ATP6V1C1: variants seen among roughly 807,000 people sequenced by gnomAD.
The protein encoded by ATP6V1C1 is V-type proton ATPase subunit C 1.
ATP6V1C1 carries 45 observed loss-of-function variants against 53.9 expected under a neutral mutation model. The ratio of observed to expected loss-of-function variants is 0.83; its 90% CI spans 0.66 to 1.07. The LOEUF is 1.07. ATP6V1C1 is among the 50% of genes least tolerant of loss of function. The probability of loss-of-function intolerance (pLI) is 0.00; values close to 1 mark genes in which losing one functional copy is unlikely to be tolerated. For missense variants in ATP6V1C1, 315 were observed against 440.3 expected (o/e 0.72, Z 2.55); for synonymous variants, 153 against 155.2 (o/e 0.99, Z 0.11).
At chr8:103,055,804 C>T (rs964459101) in intron 7 of ATP6V1C1, 64 bp from the exon 8 acceptor site, 115 of 1,469,366 alleles carry the variant, frequency 7.8e-5, no homozygotes, top group Non-Finnish European at 1.0e-4. Flanking sequence ...TTTTTCTCTT[C>T]CTGGATATGG....
chr8:103,032,497 T>C (rs1816816352), intron 1 of ATP6V1C1, among the ~76,000 whole-genome samples: 1 of 152,128 alleles, frequency 6.6e-6, no homozygotes, highest in Non-Finnish European at 1.5e-5. Context: ...TTTTTCTTTT[T>C]CTTTTCTTTC....
chr8:103,068,749 A>G lies in ATP6V1C1; in HGVS notation c.*2A>G, dbSNP rs775399738. On this transcript the variant is annotated 3_prime_UTR_variant, in exon 13 of 13. Transcript: ENST00000518738. ...TGCAACTTGCTGGAATTCAAGTGAA[A>G]ATGGGCTCCTCCCCCGACAATCCTG... 1.2e-6 allele frequency: 2 copies of G among 1,607,466 alleles called. No individual in the cohort carries two copies. The highest frequency in any genetic ancestry group is 1.7e-6 in the Non-Finnish European group (2 of 1,176,100).
At position 103,071,808 on chromosome 8, in the gene ATP6V1C1, G is replaced by A. The variant is rs1425262793; in HGVS notation, c.*3061G>A. The A allele has an allele frequency of 2.0e-5, 3 of 152,020 alleles. No individual in the cohort carries two copies. The highest frequency in any genetic ancestry group is 3.9e-4 in the East Asian group (2 of 5,176). 9.4% of individuals were successfully genotyped at this position (152,020 alleles called of 1,614,324 possible). ...ATTTTTTAAATTTTAGCACAGATGA[G>A]GTCTCACTATGTTGCCCGGGCTGGT... On this transcript the variant is annotated 3_prime_UTR_variant, in exon 13 of 13. Transcript: ENST00000518738.
chr8:103,060,132 T>A (rs1817372033), intron 8 of ATP6V1C1, among the ~76,000 whole-genome samples: 1 of 151,790 alleles, frequency 6.6e-6, no homozygotes, highest in Non-Finnish European at 1.5e-5. Context: ...CACACTCAGC[T>A]GATTTTTGTA....
At position 103,072,850 on chromosome 8, in the gene ATP6V1C1, C is replaced by T. The variant is rs979826183; in HGVS notation, c.*4103C>T. On this transcript the variant is annotated 3_prime_UTR_variant, in exon 13 of 13. Transcript: ENST00000518738. ...GTTTCTTCTTCTGCAGAAGATGAAA[C>T]TGAGGAGAAACAAGACAACATCCTT... 6.6e-6 allele frequency: 1 copy of T among 152,114 alleles called. No homozygotes were observed. Among genetic ancestry groups the T allele is most frequent in the Non-Finnish European group, 1.5e-5 (1 of 68,024 alleles). 9.4% of individuals were successfully genotyped at this position (152,114 alleles called of 1,614,324 possible).
At chr8:103,053,027 A>C (rs1161011657) in intron 6 of ATP6V1C1, among the ~76,000 whole-genome samples, 3 of 152,020 alleles carry the variant, frequency 2.0e-5, no homozygotes, top group Non-Finnish European at 4.4e-5. Context: ...CTGATTTATT[A>C]TACTTGTTTT....
rs1249454306 is a variant in ATP6V1C1 at position 103,055,848 on chromosome 8, G to A, written c.573-20G>A. The A allele has an allele frequency of 3.1e-6, 5 of 1,607,032 alleles. No homozygotes were observed. Among genetic ancestry groups the A allele is most frequent in the East Asian group, 2.2e-5 (1 of 44,614 alleles). On this transcript the variant is annotated intron_variant, in intron 7 of 12. Transcript: ENST00000518738. ...AGGACTTGTTTTTCTTTTCCAATGT[G>A]TATTGTACCTTTTCTGCAGGTTAAA...
rs568065111 is a variant in ATP6V1C1 at position 103,023,518 on chromosome 8, C to T, written c.-40+2293C>T. 1.7e-4 allele frequency among the ~76,000 whole-genome samples: 26 copies of T among 152,168 alleles called. No individual in the cohort carries two copies. The East Asian group carries it at 4.6e-3, about 27-fold the overall frequency. The stretch of plus-strand genomic sequence containing the variant: ...TGTACCCTTCACAGGGTAGTCGTAA[C>T]TACCCTCGAGGCAGTCCTGAAGTAC... On this transcript the variant is annotated intron_variant, in intron 1 of 12. Transcript: ENST00000518738.
Position 103,069,995 on chromosome 8 carries a change from C to T in ATP6V1C1, c.*1248C>T, listed in dbSNP as rs1297800226. ...GGGAAGTTTATGTATTTTTCTAGGC[C>T]CTTTTCTATGTCTTTACATCTCTGT... On this transcript the variant is annotated 3_prime_UTR_variant, in exon 13 of 13. Transcript: ENST00000518738. 6.6e-6 allele frequency: 1 copy of T among 152,130 alleles called. No individual in the cohort carries two copies. The highest frequency in any genetic ancestry group is 6.6e-5 in the Admixed American group (1 of 15,266). 9.4% of individuals were successfully genotyped at this position (152,130 alleles called of 1,614,324 possible).
At chr8:103,021,528 CTGAT>C (rs1448537283) in intron 1 of ATP6V1C1, 1 of 151,776 alleles carries the variant, frequency 6.6e-6, no homozygotes, top group African/African-American at 2.4e-5. Context: ...TGCACGCCGC[CTGAT>C]TGATTGAGGG....
At chr8:103,034,503 A>G (rs148044141) in intron 1 of ATP6V1C1, among the ~76,000 whole-genome samples, 193 of 152,330 alleles carry the variant, frequency 1.3e-3, no homozygotes, top group African/African-American at 4.4e-3. Context: ...AAAGACATAC[A>G]TATTCATCTG....
chr8:103,040,700 T>A, intron 1 of ATP6V1C1, 98 bp from the exon 2 acceptor site: 1 of 1,075,402 alleles, frequency 9.3e-7, no homozygotes, highest in Non-Finnish European at 1.3e-6. Flanking sequence ...AGATTAGTTT[T>A]GAAACAGGTT....
chr8:103,072,467 G>A lies in ATP6V1C1; in HGVS notation c.*3720G>A, dbSNP rs1817602224. On this transcript the variant is annotated 3_prime_UTR_variant, in exon 13 of 13. Coordinates refer to ENST00000518738, the MANE Select transcript of ATP6V1C1 (RefSeq NM_001695.5). ...AATGTGATTATCTTCTTCTGTTAAT[G>A]TCAATAAAAGATGGTTTGTCCTAGA... 2 of 152,110 alleles carry A rather than the reference G, an allele frequency of 1.3e-5. No homozygotes were observed. Among genetic ancestry groups the A allele is most frequent in the Admixed American group, 1.3e-4 (2 of 15,270 alleles). The allele number at this position is 152,110 out of a possible 1,614,324, so 9.4% of individuals were successfully genotyped here.
intron 1 of ATP6V1C1, among the ~76,000 whole-genome samples, chr8:103,031,386 C>T (rs1816793788): frequency 6.6e-6 from 1 of 152,078 alleles, no homozygotes; most frequent in African/African-American, 2.4e-5. Context: ...GTTCTGTAGG[C>T]TGTGCAAGCA....
chr8:103,066,979 G>GC (rs918248505), intron 12 of ATP6V1C1, among the ~76,000 whole-genome samples: 2 of 131,840 alleles, frequency 1.5e-5, no homozygotes, highest in Non-Finnish European at 3.3e-5. Context: ...TCTGAAAAAA[G>GC]AAAAAAAAAA....
At chr8:103,041,017 GGGCC>G in intron 2 of ATP6V1C1, 49 bp downstream of exon 2, 1 of 1,554,400 alleles carries the variant, frequency 6.4e-7, no homozygotes, top group South Asian at 1.2e-5. Context: ...ATCCAGGGGA[GGGCC>G]AGTTCTCTCT....
At chr8:103,054,820 C>A (rs1407957877) in intron 7 of ATP6V1C1, among the ~76,000 whole-genome samples, 1 of 151,954 alleles carries the variant, frequency 6.6e-6, no homozygotes, top group East Asian at 1.9e-4. Flanking sequence ...AGATTTGGGT[C>A]TTTTTCAGAG....
At chr8:103,027,642 GT>G (rs74799290) in intron 1 of ATP6V1C1, among the ~76,000 whole-genome samples, 41 of 142,954 alleles carry the variant, frequency 2.9e-4, no homozygotes, top group Middle Eastern at 3.7e-3. Context: ...TGGATCTAGG[GT>G]TTTTTTTTTT....
At chr8:103,062,816 C>T (rs1225052565) in intron 8 of ATP6V1C1, 139 bp from the exon 9 acceptor site, 2 of 666,830 alleles carry the variant, frequency 3.0e-6, no homozygotes, top group African/African-American at 3.6e-5. Context: ...TGAGGCAATC[C>T]AGATTGAAAA....
Sources: gnomAD v4.1 joint callset for allele counts (sites outside exome capture counted in the v4.1 genomes callset) on GRCh38, gnomAD v4.1.1 for gene constraint, MANE v1.5 for transcripts, NCBI Gene and HGNC (gene_info 2026-07-23, HGNC 2026-07-21) for gene names.